Variants in RNLS observed in about 807,000 individuals in gnomAD.
The protein encoded by RNLS is renalase, FAD dependent amine oxidase, also known as renalase.
RNLS carries 39 observed loss-of-function variants against 39.8 expected under a neutral mutation model. That is an observed-to-expected ratio of 0.98 (90% confidence interval 0.76 to 1.28). The LOEUF (loss-of-function observed/expected upper bound fraction) is 1.28, where lower values mean the gene tolerates loss of function less well. Ranked by LOEUF, RNLS falls within the 50% of genes most tolerant of loss-of-function variation. The pLI, the probability that RNLS is intolerant of heterozygous loss-of-function variation, is 0.00. For missense variants in RNLS, 410 were observed against 413.3 expected, an observed-to-expected ratio of 0.99 and a Z score of 0.07; for synonymous variants, 147 against 150.7, an observed-to-expected ratio of 0.98 and a Z score of 0.18.
At chr10:88,335,632 T>C (rs1043111586) in intron 5 of RNLS, among the ~76,000 whole-genome samples, 11 of 152,338 alleles carry the variant, frequency 7.2e-5, no homozygotes, top group African/African-American at 9.6e-5. Context: ...TATTAGTTCA[T>C]TAGACAAAGA....
chr10:88,250,470 G>T, the RNLS span, among the ~76,000 whole-genome samples: 1 of 152,176 alleles, frequency 6.6e-6, no homozygotes, highest in Non-Finnish European at 1.5e-5. Flanking sequence ...AAGCAGACAG[G>T]TATAGAGAAG....
At chr10:88,483,308 C>A (rs12416543) in intron 4 of RNLS, among the ~76,000 whole-genome samples, 5 of 152,140 alleles carry the variant, frequency 3.3e-5, no homozygotes, top group Admixed American at 3.3e-4. Flanking sequence ...CATCTTCAAG[C>A]CCATCCCTTG....
intron 5 of RNLS, among the ~76,000 whole-genome samples, chr10:88,352,098 T>G (rs921504780): frequency 7.2e-5 from 11 of 152,194 alleles, no homozygotes; most frequent in Non-Finnish European, 1.5e-4. Flanking sequence ...GGAGATTTTG[T>G]GGTGAGATGA....
At chr10:88,278,894 T>C (rs1397844760) in intron 6 of RNLS, among the ~76,000 whole-genome samples, 3 of 152,208 alleles carry the variant, frequency 2.0e-5, no homozygotes, top group Admixed American at 1.3e-4. Context: ...CTTACTAATA[T>C]TAGAATAAAA....
At chr10:88,453,453 G>C (rs771755785) in intron 4 of RNLS, among the ~76,000 whole-genome samples, 6 of 152,200 alleles carry the variant, frequency 3.9e-5, no homozygotes, top group Non-Finnish European at 8.8e-5. Context: ...GTCTCACTGG[G>C]ATCATCAGAG....
chr10:88,372,763 G>GT (rs1297942375), intron 4 of RNLS, among the ~76,000 whole-genome samples: 4 of 152,086 alleles, frequency 2.6e-5, no homozygotes, highest in Non-Finnish European at 4.4e-5. Flanking sequence ...TTTCACTCTA[G>GT]TTATTATCAG....
At chr10:88,323,983 G>C (rs1241632911) in intron 5 of RNLS, among the ~76,000 whole-genome samples, 1 of 152,114 alleles carries the variant, frequency 6.6e-6, no homozygotes, top group African/African-American at 2.4e-5. Flanking sequence ...ATGGATAAAT[G>C]TTCAACATCA....
intron 4 of RNLS, among the ~76,000 whole-genome samples, chr10:88,468,513 A>G (rs1843338909): frequency 6.6e-6 from 1 of 152,282 alleles, no homozygotes; most frequent in African/African-American, 2.4e-5. Flanking sequence ...ACAACTACAA[A>G]TAACTGATAG....
At chr10:88,582,148 C>T (rs1850617433) in intron 2 of RNLS, 54 bp downstream of exon 2, 1 of 1,367,326 alleles carries the variant, frequency 7.3e-7, no homozygotes, top group Non-Finnish European at 1.0e-6. Flanking sequence ...TCACAACAAC[C>T]CTATGACATC....
At chr10:88,180,434 C>T in the RNLS span, among the ~76,000 whole-genome samples, 1 of 152,142 alleles carries the variant, frequency 6.6e-6, no homozygotes, top group Admixed American at 6.6e-5. Context: ...TGGCTGAGAA[C>T]TAGAATTGGG....
chr10:88,529,229 G>T (rs1241732959), intron 4 of RNLS, among the ~76,000 whole-genome samples: 1 of 152,170 alleles, frequency 6.6e-6, no homozygotes, highest in African/African-American at 2.4e-5. Flanking sequence ...GCAAAATCCA[G>T]CGTCTTCCTC....
chr10:88,208,188 C>T, the RNLS span, among the ~76,000 whole-genome samples: 1 of 152,074 alleles, frequency 6.6e-6, no homozygotes, highest in African/African-American at 2.4e-5. Flanking sequence ...TTTCTCCTTC[C>T]ATCTTCAGGT....
At chr10:88,211,520 A>T in the RNLS span, among the ~76,000 whole-genome samples, 1 of 152,216 alleles carries the variant, frequency 6.6e-6, no homozygotes, top group Non-Finnish European at 1.5e-5. Context: ...GACAAGGGAC[A>T]ATTTGAGGAT....
chr10:88,548,803 A>G (rs1428816323), intron 4 of RNLS, among the ~76,000 whole-genome samples: 3 of 151,422 alleles, frequency 2.0e-5, no homozygotes, highest in Non-Finnish European at 2.9e-5. Context: ...CCATAATTCT[A>G]TAATTCTGAA....
chr10:88,304,387 G>A (rs1017727462), intron 6 of RNLS, among the ~76,000 whole-genome samples: 1 of 152,118 alleles, frequency 6.6e-6, no homozygotes, highest in African/African-American at 2.4e-5. Context: ...ATATGGATAG[G>A]AATGAAGAAC....
chr10:88,527,736 A>C (rs1448299102), intron 4 of RNLS, among the ~76,000 whole-genome samples: 3 of 152,168 alleles, frequency 2.0e-5, no homozygotes, highest in Non-Finnish European at 4.4e-5. Context: ...CCTTTAAAAT[A>C]CGAATGGACA....
intron 5 of RNLS, among the ~76,000 whole-genome samples, chr10:88,333,779 T>C (rs983287781): frequency 1.3e-5 from 2 of 152,154 alleles, no homozygotes; most frequent in Non-Finnish European, 1.5e-5. Context: ...GGAGGTGATT[T>C]GGTCATGAGG....
At chr10:88,400,857 T>G (rs562261435) in intron 4 of RNLS, among the ~76,000 whole-genome samples, 1 of 151,980 alleles carries the variant, frequency 6.6e-6, no homozygotes, top group South Asian at 2.1e-4. Flanking sequence ...GTGACCTAGA[T>G]TTGTTTAGAA....
intron 4 of RNLS, among the ~76,000 whole-genome samples, chr10:88,383,409 T>C (rs1452548364): frequency 1.1e-4 from 17 of 152,132 alleles, no homozygotes; most frequent in Admixed American, 1.1e-3. Flanking sequence ...ATTTATACTG[T>C]GGTAAAGTCA....
Sources: gnomAD v4.1 joint callset for allele counts (sites outside exome capture counted in the v4.1 genomes callset) on GRCh38, gnomAD v4.1.1 for gene constraint, MANE v1.5 for transcripts, NCBI Gene and HGNC (gene_info 2026-07-23, HGNC 2026-07-21) for gene names.